Variants in TRDN observed in about 807,000 individuals in gnomAD.
TRDN encodes triadin.
In TRDN, 161 loss-of-function variants were observed where a neutral mutation model predicts 149.7. The observed-to-expected ratio is 1.08, with a 90% CI of 0.95 to 1.23. The LOEUF is 1.23. Ranked by LOEUF, TRDN falls within the 50% of genes most tolerant of loss-of-function variation. The probability of loss-of-function intolerance (pLI) is 0.00; values close to 1 mark genes in which losing one functional copy is unlikely to be tolerated. For missense variants in TRDN, 896 were observed against 823.5 expected (o/e 1.09, Z -1.08); for synonymous variants, 294 against 250.5 (o/e 1.17, Z -1.64).
intron 24 of TRDN, among the ~76,000 whole-genome samples, chr6:123,299,176 C>A (rs1045468688): frequency 6.6e-6 from 1 of 151,900 alleles, no homozygotes; most frequent in African/African-American, 2.4e-5. Flanking sequence ...AAGAAATGGG[C>A]CCCTACTATG....
intron 38 of TRDN, among the ~76,000 whole-genome samples, chr6:123,241,222 A>G (rs956722385): frequency 6.6e-6 from 1 of 151,312 alleles, no homozygotes; most frequent in Non-Finnish European, 1.5e-5. Flanking sequence ...ATAATCAATA[A>G]AAATAGGTTA....
At chr6:123,446,596 A>AT (rs1266197527) in intron 10 of TRDN, among the ~76,000 whole-genome samples, 1 of 149,356 alleles carries the variant, frequency 6.7e-6, no homozygotes, top group African/African-American at 2.4e-5. Context: ...AAAAAAAAAA[A>AT]AAAAAAAAAA....
Position 123,504,874 on chromosome 6 carries a change from G to A in TRDN, c.611-973C>T, listed in dbSNP as rs191079991. Among the ~76,000 whole-genome samples the A allele has an allele frequency of 5.3e-3, 810 of 152,226 alleles. 1 individual carries two copies. Among genetic ancestry groups the A allele is most frequent in the Middle Eastern group, 0.014 (4 of 294 alleles). On this transcript the variant is annotated intron_variant, in intron 7 of 40. Transcript: ENST00000334268. ...CTACACATAACCACTATACACCACA[G>A]CAACTCTACTGCAATGTTGGAATCC...
chr6:123,423,987 A>G (rs1245248662), intron 12 of TRDN, among the ~76,000 whole-genome samples: 1 of 152,164 alleles, frequency 6.6e-6, no homozygotes, highest in East Asian at 1.9e-4. Flanking sequence ...TTGAAACCCC[A>G]TTTGAGCCTA....
chr6:123,265,294 A>G (rs1444629500), intron 33 of TRDN, 24 bp downstream of exon 33: 1 of 1,401,804 alleles, frequency 7.1e-7, no homozygotes, highest in East Asian at 2.6e-5. Context: ...GGACAATTTT[A>G]AAATTCTAAA....
intron 1 of TRDN, among the ~76,000 whole-genome samples, chr6:123,629,156 A>G (rs1785831749): frequency 6.6e-6 from 1 of 152,096 alleles, no homozygotes; most frequent in Non-Finnish European, 1.5e-5. Context: ...TTGTCTTGAC[A>G]TTATATTAAA....
intron 38 of TRDN, among the ~76,000 whole-genome samples, chr6:123,249,008 G>C (rs1730530916): frequency 6.6e-6 from 1 of 152,008 alleles, no homozygotes; most frequent in African/African-American, 2.4e-5. Context: ...ATTTTGAAAA[G>C]ATACTACACC....
At chr6:123,601,045 C>T (rs145676898) in intron 1 of TRDN, among the ~76,000 whole-genome samples, 58 of 152,072 alleles carry the variant, frequency 3.8e-4, no homozygotes, top group African/African-American at 1.4e-3. Context: ...CTTATTTTTT[C>T]CCCACTCTCT....
In TRDN at chr6:123,434,256, C is replaced by T. The variant is rs115234069; in HGVS notation, c.1051+3807G>A. ...TACTATTGATAGCCTCTTTCAACTT[C>T]CATTTCACTCCACTTTCACTTGAGA... On this transcript the variant is annotated intron_variant, in intron 12 of 40. Transcript: ENST00000334268. Among the ~76,000 whole-genome samples, 704 of 152,296 alleles carry T rather than the reference C, an allele frequency of 4.6e-3. 4 individuals are homozygous for T. The highest frequency in any genetic ancestry group is 0.016 in the African/African-American group (660 of 41,564).
intron 1 of TRDN, among the ~76,000 whole-genome samples, chr6:123,631,053 G>T (rs564886452): frequency 1.1e-3 from 163 of 150,384 alleles, no homozygotes; most frequent in African/African-American, 3.8e-3. Context: ...CTTTCTCCCA[G>T]CTCTGCACTA....
At chr6:123,266,148 AT>A (rs1172344064) in intron 32 of TRDN, among the ~76,000 whole-genome samples, 1 of 107,156 alleles carries the variant, frequency 9.3e-6, no homozygotes, top group Non-Finnish European at 1.7e-5. Flanking sequence ...TGTATTATAT[AT>A]TATATATATT....
chr6:123,444,679 T>G (rs1775195908), intron 10 of TRDN, among the ~76,000 whole-genome samples: 1 of 152,036 alleles, frequency 6.6e-6, no homozygotes, highest in Non-Finnish European at 1.5e-5. Context: ...GCTCTTATTA[T>G]TTTGAAATAC....
At chr6:123,232,888 C>T in intron 38 of TRDN, among the ~76,000 whole-genome samples, 1 of 151,934 alleles carries the variant, frequency 6.6e-6, no homozygotes, top group Non-Finnish European at 1.5e-5. Flanking sequence ...ATCAAAGCCC[C>T]CTAAATAATG....
chr6:123,304,217 A>C (rs1778523459), intron 24 of TRDN, among the ~76,000 whole-genome samples: 1 of 151,818 alleles, frequency 6.6e-6, no homozygotes, highest in Non-Finnish European at 1.5e-5. Context: ...GAACTGTGAA[A>C]ATTTTGTATA....
intron 7 of TRDN, among the ~76,000 whole-genome samples, chr6:123,507,905 G>A (rs1779001822): frequency 6.6e-6 from 1 of 151,886 alleles, no homozygotes; most frequent in Non-Finnish European, 1.5e-5. Flanking sequence ...ACACATGTTG[G>A]GAGTTAGAAA....
intron 23 of TRDN, among the ~76,000 whole-genome samples, chr6:123,316,971 A>G (rs1779048054): frequency 1.3e-5 from 2 of 151,770 alleles, no homozygotes; most frequent in Admixed American, 1.3e-4. Flanking sequence ...TTCCGTTAGT[A>G]TCAATTTTAT....
chr6:123,486,829 C>G (rs1171566493), intron 9 of TRDN, among the ~76,000 whole-genome samples: 2 of 151,812 alleles, frequency 1.3e-5, no homozygotes, highest in Non-Finnish European at 2.9e-5. Flanking sequence ...TAGTACTGTT[C>G]CTAGAATTCA....
intron 1 of TRDN, among the ~76,000 whole-genome samples, chr6:123,598,635 T>A (rs927896201): frequency 2.6e-5 from 4 of 152,106 alleles, no homozygotes; most frequent in African/African-American, 9.7e-5. Flanking sequence ...TCAAGTTTAT[T>A]GGAACATAGC....
intron 5 of TRDN, among the ~76,000 whole-genome samples, chr6:123,522,964 G>A (rs1779759830): frequency 6.6e-6 from 1 of 152,132 alleles, no homozygotes; most frequent in Admixed American, 6.6e-5. Flanking sequence ...ATAAAAGGGA[G>A]TGGCAAGGCT....
Sources: allele counts gnomAD v4.1 joint callset (sites outside exome capture counted in the v4.1 genomes callset), GRCh38; gene constraint gnomAD v4.1.1; transcripts MANE v1.5; gene names NCBI Gene and HGNC (gene_info 2026-07-23, HGNC 2026-07-21).